SPATA17: variants seen among roughly 807,000 people sequenced by gnomAD.
The protein encoded by SPATA17 is spermatogenesis-associated protein 17.
SPATA17 carries 53 observed loss-of-function variants against 62.2 expected under a neutral mutation model. The ratio of observed to expected loss-of-function variants is 0.85; its 90% CI spans 0.68 to 1.07. The LOEUF (loss-of-function observed/expected upper bound fraction) is 1.07, where lower values mean the gene tolerates loss of function less well. Ranked by LOEUF, SPATA17 falls within the 50% of genes least tolerant of loss-of-function variation. The pLI is 0.00. For synonymous variants in SPATA17, 146 were observed against 146.8 expected (o/e 0.99, Z 0.04); for missense variants, 466 against 425.5 (o/e 1.10, Z -0.84).
chr1:217,711,354 G>T (rs994776638), intron 5 of SPATA17, among the ~76,000 whole-genome samples: 1 of 152,030 alleles, frequency 6.6e-6, no homozygotes, highest in African/African-American at 2.4e-5. Context: ...CTGTGTTCAC[G>T]TACAAGTTTT....
chr1:217,768,183 T>C (rs1040162848), intron 6 of SPATA17, among the ~76,000 whole-genome samples: 1 of 151,988 alleles, frequency 6.6e-6, no homozygotes, highest in African/African-American at 2.4e-5. Context: ...AGGCGGAGGT[T>C]GCAGTGAGCC....
chr1:217,754,596 G>A (rs1324308126), intron 6 of SPATA17, among the ~76,000 whole-genome samples: 1 of 152,226 alleles, frequency 6.6e-6, no homozygotes, highest in Non-Finnish European at 1.5e-5. Flanking sequence ...AGTTTGTAAG[G>A]TTTGTCAGGT....
intron 6 of SPATA17, among the ~76,000 whole-genome samples, chr1:217,749,461 G>GT (rs199886028): frequency 2.8e-3 from 423 of 151,356 alleles, no homozygotes; most frequent in African/African-American, 8.9e-3. Context: ...TTCTGTGTGT[G>GT]TTTTTTTTCT....
intron 6 of SPATA17, among the ~76,000 whole-genome samples, chr1:217,742,581 A>G (rs1260035911): frequency 6.6e-6 from 1 of 152,210 alleles, no homozygotes; most frequent in Non-Finnish European, 1.5e-5. Context: ...ACATCTTCTT[A>G]TAGAAGTATA....
chr1:217,829,013 AT>A (rs1295711404), intron 9 of SPATA17, among the ~76,000 whole-genome samples: 1 of 152,170 alleles, frequency 6.6e-6, no homozygotes, highest in Admixed American at 6.6e-5. Context: ...TGGAACAGCC[AT>A]TATGGAAAAC....
intron 9 of SPATA17, among the ~76,000 whole-genome samples, chr1:217,808,219 C>T (rs1249476179): frequency 6.6e-6 from 1 of 152,138 alleles, no homozygotes; most frequent in East Asian, 1.9e-4. Flanking sequence ...GTACAAGTGC[C>T]TGCCTTCAGG....
chr1:217,693,100 G>A (rs1372975702), intron 5 of SPATA17, among the ~76,000 whole-genome samples: 1 of 142,364 alleles, frequency 7.0e-6, no homozygotes, highest in African/African-American at 2.6e-5. Flanking sequence ...GGTAGAATTC[G>A]GCTGTGAATC....
chr1:217,703,314 G>C (rs1671646888), intron 5 of SPATA17, among the ~76,000 whole-genome samples: 2 of 151,896 alleles, frequency 1.3e-5, no homozygotes. Flanking sequence ...GGGGAATACA[G>C]GCACCCACCA....
intron 8 of SPATA17, among the ~76,000 whole-genome samples, chr1:217,790,717 C>T (rs1221256217): frequency 3.9e-5 from 6 of 152,238 alleles, no homozygotes; most frequent in East Asian, 1.9e-4. Context: ...CGTGAGCCAC[C>T]GCGCCCGGCC....
intron 9 of SPATA17, among the ~76,000 whole-genome samples, chr1:217,841,275 G>T (rs1464647664): frequency 6.6e-6 from 1 of 151,466 alleles, no homozygotes; most frequent in South Asian, 2.1e-4. Context: ...ACATCAATAG[G>T]GACTGAAACA....
intron 1 of SPATA17, among the ~76,000 whole-genome samples, chr1:217,642,047 C>G (rs1670077363): frequency 6.6e-6 from 1 of 152,002 alleles, no homozygotes; most frequent in African/African-American, 2.4e-5. Flanking sequence ...TGATTTTTCC[C>G]CTTGATTAGA....
chr1:217,732,083 T>TC (rs1672414036), intron 5 of SPATA17, among the ~76,000 whole-genome samples: 2 of 150,678 alleles, frequency 1.3e-5, no homozygotes, highest in South Asian at 2.1e-4. Flanking sequence ...ATTACTCCAG[T>TC]TTCTCTCTCT....
chr1:217,696,078 G>A (rs539693627), intron 5 of SPATA17, among the ~76,000 whole-genome samples: 3 of 152,174 alleles, frequency 2.0e-5, no homozygotes, highest in Admixed American at 6.5e-5. Context: ...AATGGCGGGC[G>A]CCCCTCTGCT....
In SPATA17 at chr1:217,824,015, G is replaced by A. The variant is rs996024729; in HGVS notation, c.1005+22165G>A. 2.6e-5 allele frequency among the ~76,000 whole-genome samples: 4 copies of A among 151,860 alleles called. No homozygotes were observed. The South Asian group carries it at 8.3e-4, about 31-fold the overall frequency. Reference sequence around the variant, plus strand: ...TACAGGTAAAGTAAGTCTCTTGTAAGCAGCTCATAGTTGTAGGCAGCATAT... The same window carrying A: ...TACAGGTAAAGTAAGTCTCTTGTAAACAGCTCATAGTTGTAGGCAGCATAT... On this transcript the variant is annotated intron_variant, in intron 9 of 10. Coordinates refer to ENST00000366933, the MANE Select transcript of SPATA17 (RefSeq NM_138796.4).
intron 9 of SPATA17, among the ~76,000 whole-genome samples, chr1:217,819,665 C>A (rs574972282): frequency 1.3e-5 from 2 of 152,168 alleles, no homozygotes; most frequent in Admixed American, 6.6e-5. Flanking sequence ...ATGAGGAAAG[C>A]TACTGTATTA....
intron 3 of SPATA17, 40 bp downstream of exon 3, chr1:217,651,218 C>G (rs1670306440): frequency 2.1e-6 from 3 of 1,435,852 alleles, no homozygotes; most frequent in South Asian, 1.2e-5. Context: ...TTGAATTGTA[C>G]AATATGCTGT....
chr1:217,752,721 T>A (rs534527880), intron 6 of SPATA17, among the ~76,000 whole-genome samples: 1 of 152,132 alleles, frequency 6.6e-6, no homozygotes, highest in East Asian at 1.9e-4. Context: ...GTTGGAAAAA[T>A]TTTTCACAGG....
At chr1:217,785,369 A>G (rs895647864) in intron 8 of SPATA17, among the ~76,000 whole-genome samples, 4 of 152,152 alleles carry the variant, frequency 2.6e-5, no homozygotes, top group Non-Finnish European at 5.9e-5. Flanking sequence ...TACAGGAAGC[A>G]TGGCTAGGAG....
chr1:217,709,786 T>A (rs571741563), intron 5 of SPATA17, among the ~76,000 whole-genome samples: 1 of 152,316 alleles, frequency 6.6e-6, no homozygotes, highest in Admixed American at 6.5e-5. Context: ...GCATTTTGCC[T>A]AGGATAAAAG....
Sources: gnomAD v4.1 joint callset for allele counts (sites outside exome capture counted in the v4.1 genomes callset) on GRCh38, gnomAD v4.1.1 for gene constraint, MANE v1.5 for transcripts, NCBI Gene and HGNC (gene_info 2026-07-23, HGNC 2026-07-21) for gene names.